FSTL4: variants seen among roughly 807,000 people sequenced by gnomAD.
FSTL4 encodes follistatin like 4, also known as follistatin-related protein 4.
Under a neutral mutation model 78.2 loss-of-function variants are expected in FSTL4, and 28 were observed. The ratio of observed to expected loss-of-function variants is 0.36; its 90% CI spans 0.27 to 0.49. FSTL4 has a LOEUF of 0.49. FSTL4 is among the 20% of genes least tolerant of loss of function. The pLI is 0.98. For synonymous variants in FSTL4, 422 were observed against 440.5 expected, an observed-to-expected ratio of 0.96 and a Z score of 0.53; for missense variants, 922 against 1,084.9, an observed-to-expected ratio of 0.85 and a Z score of 2.11.
At chr5:133,290,703 G>A (rs1753241469) in intron 6 of FSTL4, among the ~76,000 whole-genome samples, 1 of 152,230 alleles carries the variant, frequency 6.6e-6, no homozygotes, top group Non-Finnish European at 1.5e-5. Flanking sequence ...CCCGCCCCTG[G>A]AGCCCTCTTG....
At chr5:133,204,999 T>C (rs1439641718) in intron 14 of FSTL4, among the ~76,000 whole-genome samples, 1 of 117,876 alleles carries the variant, frequency 8.5e-6, no homozygotes, top group South Asian at 2.4e-4. Context: ...ATTTCATACT[T>C]TTTTTTTGTG....
At chr5:133,452,806 T>C (rs1490370318) in intron 3 of FSTL4, among the ~76,000 whole-genome samples, 1 of 152,238 alleles carries the variant, frequency 6.6e-6, no homozygotes, top group Non-Finnish European at 1.5e-5. Flanking sequence ...TTGCTATTCC[T>C]GCCAGAGAGA....
At chr5:133,327,509 G>A (rs1754242151) in intron 4 of FSTL4, among the ~76,000 whole-genome samples, 1 of 152,202 alleles carries the variant, frequency 6.6e-6, no homozygotes, top group Non-Finnish European at 1.5e-5. Flanking sequence ...AAAACTACCA[G>A]GGATTAAATC....
the FSTL4 span, among the ~76,000 whole-genome samples, chr5:133,763,976 C>T: frequency 6.6e-6 from 1 of 152,100 alleles, no homozygotes; most frequent in Non-Finnish European, 1.5e-5. Context: ...CAGAGAGTCG[C>T]TTCAGAAGTG....
At chr5:133,655,129 T>G in the FSTL4 span, among the ~76,000 whole-genome samples, 33,243 of 152,172 alleles carry the variant, frequency 0.22, 3,875 homozygotes, top group Admixed American at 0.29. Context: ...CTCCTGTGCT[T>G]CTTTTAACTC....
At chr5:133,488,273 G>C (rs1344633931) in intron 3 of FSTL4, among the ~76,000 whole-genome samples, 2 of 150,904 alleles carry the variant, frequency 1.3e-5, no homozygotes, top group African/African-American at 4.9e-5. Flanking sequence ...CTCTTTTTTT[G>C]AGATGGAGTC....
the FSTL4 span, among the ~76,000 whole-genome samples, chr5:133,743,162 G>T: frequency 6.6e-6 from 1 of 152,120 alleles, no homozygotes; most frequent in Non-Finnish European, 1.5e-5. Flanking sequence ...GTTGTTGAAG[G>T]TGGGAAAGAC....
intron 6 of FSTL4, among the ~76,000 whole-genome samples, chr5:133,264,511 C>T (rs75227173): frequency 0.027 from 4,054 of 152,266 alleles, 176 homozygotes; most frequent in African/African-American, 0.093. Context: ...GCTCACCTGC[C>T]GTTCCTGGTG....
the FSTL4 span, among the ~76,000 whole-genome samples, chr5:133,772,283 A>G: frequency 2.0e-5 from 3 of 152,196 alleles, no homozygotes; most frequent in Admixed American, 2.0e-4. Flanking sequence ...TTTACAAAAA[A>G]CAGCATGAGG....
At chr5:133,300,162 G>A (rs1753501178) in intron 6 of FSTL4, among the ~76,000 whole-genome samples, 2 of 152,202 alleles carry the variant, frequency 1.3e-5, no homozygotes, top group Non-Finnish European at 2.9e-5. Flanking sequence ...CGGGATGCAG[G>A]ATGGCCGGAT....
intron 3 of FSTL4, among the ~76,000 whole-genome samples, chr5:133,555,075 A>G (rs1011803827): frequency 1.3e-5 from 2 of 152,160 alleles, no homozygotes. Flanking sequence ...TCTATTTTAA[A>G]CTGTCATCAT....
intron 4 of FSTL4, among the ~76,000 whole-genome samples, chr5:133,331,870 C>A (rs547157627): frequency 1.1e-4 from 17 of 152,090 alleles, no homozygotes; most frequent in Non-Finnish European, 2.1e-4. Flanking sequence ...GTCACCTGCA[C>A]TGCTGTTCTG....
At chr5:133,507,216 A>T (rs1419010044) in intron 3 of FSTL4, among the ~76,000 whole-genome samples, 1 of 152,206 alleles carries the variant, frequency 6.6e-6, no homozygotes, top group Non-Finnish European at 1.5e-5. Flanking sequence ...AAAAAATAAA[A>T]TAAATAAAAT....
intron 6 of FSTL4, among the ~76,000 whole-genome samples, chr5:133,305,278 C>A (rs538703769): frequency 1.3e-5 from 2 of 152,148 alleles, no homozygotes; most frequent in African/African-American, 4.8e-5. Context: ...TGGGGAGGGT[C>A]CCCCTCACAG....
chr5:133,240,014 G>A (rs969157772), intron 7 of FSTL4, among the ~76,000 whole-genome samples: 21 of 152,158 alleles, frequency 1.4e-4, no homozygotes, highest in Admixed American at 3.3e-4. Flanking sequence ...TCCTTTCCAC[G>A]CAGTGGAAGC....
chr5:133,634,134 G>C, the FSTL4 span, among the ~76,000 whole-genome samples: 1 of 152,104 alleles, frequency 6.6e-6, no homozygotes, highest in Non-Finnish European at 1.5e-5. Flanking sequence ...CCTGCTGGTG[G>C]GGTCAAAACC....
chr5:133,397,249 G>C (rs1039200049), intron 4 of FSTL4, among the ~76,000 whole-genome samples: 2 of 152,232 alleles, frequency 1.3e-5, no homozygotes, highest in African/African-American at 4.8e-5. Context: ...AAGTTAAACA[G>C]TGAAATCCAC....
At chr5:133,403,003 G>A (rs1404487977) in intron 3 of FSTL4, among the ~76,000 whole-genome samples, 6 of 152,206 alleles carry the variant, frequency 3.9e-5, no homozygotes, top group South Asian at 2.1e-4. Flanking sequence ...CCCCACTCAC[G>A]GTGTTTATGG....
the FSTL4 span, among the ~76,000 whole-genome samples, chr5:133,815,618 T>C: frequency 2.5e-4 from 38 of 152,344 alleles, no homozygotes; most frequent in African/African-American, 8.9e-4. Context: ...GAATCTGGTT[T>C]CAAAATACAC....
Sources: gnomAD v4.1 joint callset for allele counts (sites outside exome capture counted in the v4.1 genomes callset) on GRCh38, gnomAD v4.1.1 for gene constraint, MANE v1.5 for transcripts, NCBI Gene and HGNC (gene_info 2026-07-23, HGNC 2026-07-21) for gene names.